Variants in MYO1E observed in about 807,000 individuals in gnomAD.
MYO1E encodes unconventional myosin-Ie.
A neutral mutation model predicts 151.1 loss-of-function variants in MYO1E; 68 were observed. That is an observed-to-expected ratio of 0.45 (90% CI 0.37 to 0.55). MYO1E has a LOEUF of 0.55. Among genes scored for constraint, MYO1E ranks in the 20% least tolerant of loss-of-function variants. The pLI is 0.00. For missense variants in MYO1E, 1,363 were observed against 1,389.3 expected, an observed-to-expected ratio of 0.98 and a Z score of 0.30; for synonymous variants, 601 against 501.7, an observed-to-expected ratio of 1.20 and a Z score of -2.64.
chr15:59,311,855 G>A (rs561848694), intron 1 of MYO1E, among the ~76,000 whole-genome samples: 4 of 152,208 alleles, frequency 2.6e-5, no homozygotes, highest in African/African-American at 9.6e-5. Flanking sequence ...GCCCTGTCTT[G>A]CTATCTCTCA....
At chr15:59,307,043 A>G (rs561810412) in intron 1 of MYO1E, among the ~76,000 whole-genome samples, 1 of 152,366 alleles carries the variant, frequency 6.6e-6, no homozygotes, top group African/African-American at 2.4e-5. Context: ...GCATATAGAA[A>G]GAGGCACTGG....
intron 1 of MYO1E, among the ~76,000 whole-genome samples, chr15:59,366,835 G>T (rs566169983): frequency 6.6e-6 from 1 of 152,094 alleles, no homozygotes; most frequent in Non-Finnish European, 1.5e-5. Flanking sequence ...TTATAAGGCT[G>T]AGATGTTTAT....
chr15:59,248,669 A>AG (rs140319049), intron 4 of MYO1E, among the ~76,000 whole-genome samples: 1,561 of 152,072 alleles, frequency 0.01, 32 homozygotes, highest in African/African-American at 0.035. Context: ...GGTTAATGAA[A>AG]GGGGGTTGAC....
At chr15:59,215,017 G>GA (rs1206355181) in intron 10 of MYO1E, among the ~76,000 whole-genome samples, 1 of 151,970 alleles carries the variant, frequency 6.6e-6, no homozygotes, top group Non-Finnish European at 1.5e-5. Flanking sequence ...TTAACAATTA[G>GA]AAAAAAATGT....
intron 16 of MYO1E, among the ~76,000 whole-genome samples, chr15:59,201,750 T>C (rs1256284402): frequency 3.3e-5 from 5 of 152,170 alleles, no homozygotes; most frequent in South Asian, 2.1e-4. Context: ...CTTAATTCAG[T>C]GTAATGGCTC....
At chr15:59,308,580 G>A (rs1332360675) in intron 1 of MYO1E, among the ~76,000 whole-genome samples, 1 of 151,556 alleles carries the variant, frequency 6.6e-6, no homozygotes, top group Non-Finnish European at 1.5e-5. Context: ...GCTGAGGCAG[G>A]AGAATCACTT....
At chr15:59,299,917 T>C (rs17269587) in intron 1 of MYO1E, among the ~76,000 whole-genome samples, 41,602 of 152,134 alleles carry the variant, frequency 0.27, 5,979 homozygotes, top group Non-Finnish European at 0.31. Flanking sequence ...AAAATCTCAA[T>C]GCCCAGCTGT....
intron 4 of MYO1E, among the ~76,000 whole-genome samples, chr15:59,253,820 G>A (rs1269990463): frequency 6.6e-6 from 1 of 151,432 alleles, no homozygotes; most frequent in Non-Finnish European, 1.5e-5. Context: ...AAATGTAGGG[G>A]ACAATGGAAT....
intron 1 of MYO1E, among the ~76,000 whole-genome samples, chr15:59,275,216 T>C (rs1453638930): frequency 9.9e-5 from 15 of 152,230 alleles, no homozygotes; most frequent in African/African-American, 2.9e-4. Context: ...AAGTTTAACA[T>C]GACAATGGAA....
intron 15 of MYO1E, 52 bp from the exon 16 acceptor site, chr15:59,202,459 TG>T: frequency 6.5e-7 from 1 of 1,543,890 alleles, no homozygotes; most frequent in African/African-American, 1.4e-5. Context: ...CCTCTGGGGC[TG>T]AAAGCCTGCC....
chr15:59,169,974 A>G (rs1278064460), intron 22 of MYO1E, among the ~76,000 whole-genome samples: 1 of 152,140 alleles, frequency 6.6e-6, no homozygotes, highest in Non-Finnish European at 1.5e-5. Context: ...AGCCTGGCCA[A>G]CGTGGTGAAA....
chr15:59,209,938 G>T (rs34412930), intron 13 of MYO1E, among the ~76,000 whole-genome samples: 2 of 146,532 alleles, frequency 1.4e-5, no homozygotes, highest in Non-Finnish European at 3.0e-5. Context: ...AGGCTCAAGC[G>T]ATCCTCCCAC....
At position 59,152,141 on chromosome 15, in the gene MYO1E, A is replaced by G. The variant is rs568106199; in HGVS notation, c.3080+1449T>C. On this transcript the variant is annotated intron_variant, in intron 26 of 27. Transcript: ENST00000288235. ...CTACTCAGGAGGCTGAGGCAGGAGA[A>G]TCACTTGAACCTGGGAGGAGGCTGC... 2.0e-5 allele frequency among the ~76,000 whole-genome samples: 3 copies of G among 152,144 alleles called. No individual in the cohort carries two copies. The South Asian group carries it at 6.2e-4, about 32-fold the overall frequency.
Position 59,174,214 on chromosome 15 carries a change from C to A in MYO1E, c.2076G>T (p.Glu692Asp), listed in dbSNP as rs1475511830. ...CTCGAGCATACCCATCATACTTTCT[C>A]TCTCTCATCTCTTCTAAAAGAAATA... ...ESLFLLEEMR[E>D]RKYDGYARVI... Residue 692 changes from glutamate (E) to aspartate (D), a missense_variant, in exon 20 of 28, where the codon GAG becomes GAT. By Grantham distance (45) the Glu-to-Asp change is conservative (BLOSUM62 2). Coordinates refer to ENST00000288235, the MANE Select transcript of MYO1E (RefSeq NM_004998.4). The A allele has an allele frequency of 1.2e-6, 2 of 1,613,684 alleles. No homozygotes were observed. Among genetic ancestry groups the A allele is most frequent in the Non-Finnish European group, 1.7e-6 (2 of 1,179,646 alleles).
chr15:59,247,220 G>A (rs1307795396), intron 4 of MYO1E, among the ~76,000 whole-genome samples: 1 of 152,288 alleles, frequency 6.6e-6, no homozygotes, highest in East Asian at 1.9e-4. Context: ...AAAAGCACCT[G>A]TATTTGTGGG....
At chr15:59,238,978 G>C (rs1269499936) in intron 4 of MYO1E, among the ~76,000 whole-genome samples, 1 of 151,450 alleles carries the variant, frequency 6.6e-6, no homozygotes, top group East Asian at 2.0e-4. Context: ...GGCCAAGGTG[G>C]ACGGATCATT....
At chr15:59,250,556 G>C (rs569668440) in intron 4 of MYO1E, among the ~76,000 whole-genome samples, 2 of 152,080 alleles carry the variant, frequency 1.3e-5, no homozygotes, top group African/African-American at 4.8e-5. Context: ...TTGCCAGAAC[G>C]AAACTGTAAT....
At chr15:59,209,054 T>G (rs2079859760) in intron 13 of MYO1E, 6 of 640,124 alleles carry the variant, frequency 9.4e-6, no homozygotes, top group Non-Finnish European at 1.6e-5. Flanking sequence ...AACTCCACTT[T>G]CCAAAAAGCT....
rs143470790 is a variant in MYO1E at position 59,360,924 on chromosome 15, CCA to C, written c.3+11572_3+11573del. Reference sequence around the variant, plus strand: ...ATCTGAGCCTTTGGGCAGTCCTCTTCCACAGTGACTCTGGACTTGACAGTGTG... The same window carrying C: ...ATCTGAGCCTTTGGGCAGTCCTCTTCCAGTGACTCTGGACTTGACAGTGTG... On this transcript the variant is annotated intron_variant, in intron 1 of 27. Transcript: ENST00000288235. Among the ~76,000 whole-genome samples the C allele has an allele frequency of 7.1e-3, 1,085 of 152,276 alleles. 14 individuals carry two copies. Among genetic ancestry groups the C allele is most frequent in the African/African-American group, 0.025 (1,053 of 41,542 alleles).
Sources: gnomAD v4.1 joint callset for allele counts (sites outside exome capture counted in the v4.1 genomes callset) on GRCh38, gnomAD v4.1.1 for gene constraint, MANE v1.5 for transcripts, NCBI Gene and HGNC (gene_info 2026-07-23, HGNC 2026-07-21) for gene names.